The following MOGAT2 variants were observed in gnomAD, a reference collection of about 807,000 sequenced individuals.
MOGAT2 encodes monoacylglycerol O-acyltransferase 2.
In MOGAT2, 27 loss-of-function variants were observed where a neutral mutation model predicts 31.5. The ratio of observed to expected loss-of-function variants is 0.86; its 90% CI spans 0.63 to 1.18. The LOEUF (loss-of-function observed/expected upper bound fraction) is 1.18. Among genes scored for constraint, MOGAT2 ranks in the 50% most tolerant of loss-of-function variants. The pLI, the probability that MOGAT2 is intolerant of heterozygous loss-of-function variation, is 0.00. For missense variants in MOGAT2, 436 were observed against 433.2 expected, an observed-to-expected ratio of 1.01 and a Z score of -0.06; for synonymous variants, 163 against 170.0, an observed-to-expected ratio of 0.96 and a Z score of 0.32.
rs114477837 is a variant in MOGAT2 at position 75,722,872 on chromosome 11, A to G, written c.270+2702A>G. On this transcript the variant is annotated intron_variant, in intron 2 of 5. Transcript: ENST00000198801. ...CAGCCAGGTGGCTTTTGAGGAGGAT[A>G]TCTCAACCTTAGTACTGTTGACACT... Among the ~76,000 whole-genome samples, 1,010 of 152,354 alleles carry G rather than the reference A, an allele frequency of 6.6e-3. 12 individuals are homozygous for G. Among genetic ancestry groups the G allele is most frequent in the African/African-American group, 0.023 (968 of 41,588 alleles).
At chr11:75,718,333 G>A (rs917006898) in intron 1 of MOGAT2, among the ~76,000 whole-genome samples, 1 of 152,214 alleles carries the variant, frequency 6.6e-6, no homozygotes, top group Non-Finnish European at 1.5e-5. Flanking sequence ...CCTGCTCAGA[G>A]AGGAGAGATT....
intron 2 of MOGAT2, among the ~76,000 whole-genome samples, chr11:75,723,126 T>C (rs1357022254): frequency 6.6e-6 from 1 of 151,748 alleles, no homozygotes; most frequent in Admixed American, 6.6e-5. Flanking sequence ...CACTCCCGGC[T>C]GATTTGTATT....
At chr11:75,728,654 C>G in intron 4 of MOGAT2, 136 bp from the exon 5 acceptor site, 4 of 720,224 alleles carry the variant, frequency 5.6e-6, no homozygotes, top group Non-Finnish European at 7.1e-6. Flanking sequence ...ATAACCCAGG[C>G]CTCCACCTCC....
Position 75,728,819 on chromosome 11 carries a change from G to C in MOGAT2, c.680G>C (p.Gly227Ala). The change falls in exon 5 of 6, where the codon GGG (glycine) becomes GCG (alanine). Residue 227 changes from glycine to alanine, a missense_variant. Coordinates refer to ENST00000198801, the MANE Select transcript of MOGAT2 (RefSeq NM_025098.4). ...CCCCTGGTGCCAATCTTCTCCTTCG[G>C]GGAGAATGACCTATTTGACCAGATT... Reference protein sequence around the residue: ...GAPLVPIFSFGENDLFDQIPN... With the variant: ...GAPLVPIFSFAENDLFDQIPN... The C allele has an allele frequency of 6.2e-7, 1 of 1,614,168 alleles. No individual in the cohort carries two copies. Among genetic ancestry groups the C allele is most frequent in the Non-Finnish European group, 8.5e-7 (1 of 1,180,022 alleles).
intron 1 of MOGAT2, chr11:75,719,783 C>T: frequency 1.8e-6 from 1 of 561,032 alleles, no homozygotes; most frequent in Non-Finnish European, 3.2e-6. Context: ...TCAACGCGTG[C>T]TCCCAGTGAC....
chr11:75,726,116 C>T (rs1218935974), intron 2 of MOGAT2, among the ~76,000 whole-genome samples: 1 of 152,196 alleles, frequency 6.6e-6, no homozygotes, highest in East Asian at 1.9e-4. Context: ...ATGACAGCAG[C>T]TCTCTCTCAC....
At chr11:75,728,687 T>C (rs746877354) in intron 4 of MOGAT2, 103 bp from the exon 5 acceptor site, 1 of 1,009,856 alleles carries the variant, frequency 9.9e-7, no homozygotes, top group Non-Finnish European at 1.5e-6. Context: ...TGACCTCTGC[T>C]CCATTTCTTG....
At position 75,728,775 on chromosome 11, in the gene MOGAT2, T is replaced by A. The variant is rs1428506347; in HGVS notation, c.651-15T>A. On this transcript the variant is annotated splice_polypyrimidine_tract_variant and intron_variant, in intron 4 of 5. Transcript: ENST00000198801. The stretch of plus-strand genomic sequence containing the variant: ...GGGGCCTCCCACATGCCCTCTTTCC[T>A]CTATTTGTCTCCAGGGCACCCCTGG... 1 of 1,612,260 alleles carries A rather than the reference T, an allele frequency of 6.2e-7. No homozygotes were observed. The highest frequency in any genetic ancestry group is 1.1e-5 in the South Asian group (1 of 91,060).
At chr11:75,722,306 C>T (rs1034340358) in intron 2 of MOGAT2, among the ~76,000 whole-genome samples, 14 of 152,330 alleles carry the variant, frequency 9.2e-5, no homozygotes, top group Non-Finnish European at 2.1e-4. Flanking sequence ...TGGGCTTCCT[C>T]TTCTGTGCCA....
In MOGAT2 at chr11:75,731,255, T is replaced by A. The variant is rs1432333212; in HGVS notation, c.974T>A (p.Ile325Asn). ...GAGGCCCACAAACTTAAGTTCAACA[T>A]CCCTGCTGACCAGCACTTGGAGTTC... ...LFEAHKLKFN[I>N]PADQHLEFC is the part of the protein sequence containing the mutation. The change falls in exon 6 of 6, where the codon ATC (isoleucine) becomes AAC (asparagine). Residue 325 changes from isoleucine to asparagine, a missense_variant. Coordinates refer to ENST00000198801, the MANE Select transcript of MOGAT2 (RefSeq NM_025098.4). 1.9e-6 allele frequency: 3 copies of A among 1,613,984 alleles called. No homozygotes were observed. The African/African-American group carries it at 4.0e-5, about 22-fold the overall frequency.
chr11:75,720,867 T>C (rs763273405), intron 2 of MOGAT2, among the ~76,000 whole-genome samples: 1 of 152,154 alleles, frequency 6.6e-6, no homozygotes, highest in Non-Finnish European at 1.5e-5. Context: ...CGCTGGGCCC[T>C]GGACTTGAAG....
At chr11:75,727,348 A>ACACACT (rs1944429656) in intron 2 of MOGAT2, 87 bp from the exon 3 acceptor site, 13 of 1,267,290 alleles carry the variant, frequency 1.0e-5, no homozygotes, top group Middle Eastern at 2.7e-4. Context: ...CTCAGAGGGG[A>ACACACT]GGTTTCCCAA....
At chr11:75,730,945 G>T (rs1053605314) in intron 5 of MOGAT2, 187 bp from the exon 6 acceptor site, 7 of 418,918 alleles carry the variant, frequency 1.7e-5, no homozygotes, top group African/African-American at 8.5e-5. Context: ...GAAAAGAAAA[G>T]GAAGAAAGAA....
chr11:75,720,303 T>G, intron 2 of MOGAT2, 133 bp downstream of exon 2: 1 of 948,098 alleles, frequency 1.1e-6, no homozygotes, highest in South Asian at 1.8e-5. Context: ...AGGCAGGAGC[T>G]AGGGCTTCCG....
rs773526487 is a variant in MOGAT2 at position 75,728,858 on chromosome 11, G to A, written c.719G>A (p.Gly240Asp). The A allele has an allele frequency of 5.0e-6, 8 of 1,614,024 alleles. No homozygotes were observed. The South Asian group carries it at 8.8e-5, about 18-fold the overall frequency. The change falls in exon 5 of 6, where the codon GGC (glycine) becomes GAC (aspartate). Residue 240 changes from glycine (G) to aspartate (D), a missense_variant. Transcript: ENST00000198801. ...DLFDQIPNSS[G>D]SWLRYIQNRL... Reference sequence around the variant, plus strand: ...TTTGACCAGATTCCCAACTCTTCTGGCTCCTGGTTACGCTATATCCAGAAT... The same window carrying A: ...TTTGACCAGATTCCCAACTCTTCTGACTCCTGGTTACGCTATATCCAGAAT...
At chr11:75,728,295 G>A in intron 4 of MOGAT2, 151 bp downstream of exon 4, 2 of 940,114 alleles carry the variant, frequency 2.1e-6, no homozygotes, top group South Asian at 2.8e-5. Context: ...GGTGTCTTAT[G>A]CCCAAATACC....
At chr11:75,730,463 G>A (rs1023187270) in intron 5 of MOGAT2, among the ~76,000 whole-genome samples, 3 of 152,242 alleles carry the variant, frequency 2.0e-5, no homozygotes, top group African/African-American at 7.2e-5. Context: ...AAACCTGGCA[G>A]TGGTTCTTCC....
At position 75,726,372 on chromosome 11, in the gene MOGAT2, C is replaced by T. The variant is rs529160011; in HGVS notation, c.271-1063C>T. Among the ~76,000 whole-genome samples the T allele has an allele frequency of 3.3e-5, 5 of 152,294 alleles. No homozygotes were observed. The East Asian group carries it at 9.7e-4, about 29-fold the overall frequency. On this transcript the variant is annotated intron_variant, in intron 2 of 5. Coordinates refer to ENST00000198801, the MANE Select transcript of MOGAT2 (RefSeq NM_025098.4). ...AGCCTCATTCCCACATCTGAAGTGC[C>T]AATTTTTTGCCCCGAGACATCCATT...
chr11:75,728,668 C>T (rs915484553), intron 4 of MOGAT2, 122 bp from the exon 5 acceptor site: 2 of 805,656 alleles, frequency 2.5e-6, no homozygotes, highest in Admixed American at 2.1e-5. Context: ...CACCTCCAGC[C>T]CAGGTGGCTG....
Sources: allele counts gnomAD v4.1 joint callset (sites outside exome capture counted in the v4.1 genomes callset), GRCh38; gene constraint gnomAD v4.1.1; transcripts MANE v1.5; gene names NCBI Gene and HGNC (gene_info 2026-07-23, HGNC 2026-07-21).